The following TJP1 variants were observed in gnomAD, a reference collection of about 807,000 sequenced individuals.
TJP1 encodes the protein tight junction protein 1, also known as tight junction protein ZO-1.
A neutral mutation model predicts 194.2 loss-of-function variants in TJP1; 43 were observed. The observed-to-expected ratio is 0.22, with a 90% confidence interval of 0.17 to 0.29. The LOEUF (loss-of-function observed/expected upper bound fraction) is 0.29, where lower values mean the gene tolerates loss of function less well. Ranked by LOEUF, TJP1 falls within the 10% of genes least tolerant of loss-of-function variation. The probability of loss-of-function intolerance (pLI) is 1.00; values close to 1 mark genes in which losing one functional copy is unlikely to be tolerated. For missense variants in TJP1, 1,971 were observed against 2,185.7 expected, an observed-to-expected ratio of 0.90 and a Z score of 1.96; for synonymous variants, 801 against 779.0, an observed-to-expected ratio of 1.03 and a Z score of -0.47.
At chr15:29,968,656 G>T (rs1369184837) in intron 1 of TJP1, 2 of 1,041,038 alleles carry the variant, frequency 1.9e-6, no homozygotes, top group Non-Finnish European at 2.3e-6. Context: ...GCGCCCGCGC[G>T]GCCGCCTCAC....
intron 23 of TJP1, 65 bp from the exon 24 acceptor site, chr15:29,711,065 A>C: frequency 4.4e-4 from 652 of 1,471,384 alleles, no homozygotes; most frequent in Non-Finnish European, 5.6e-4. Flanking sequence ...ACAAGTTCTC[A>C]TTTCTCCATG....
rs535905524 is a variant in TJP1 at position 29,754,735 on chromosome 15, G to A, written c.1010+6404C>T. Among the ~76,000 whole-genome samples, 9 of 152,264 alleles carry A rather than the reference G, an allele frequency of 5.9e-5. 2 individuals are homozygous for A. The East Asian group carries it at 1.7e-3, about 29-fold the overall frequency. On this transcript the variant is annotated intron_variant, in intron 8 of 27. Transcript: ENST00000614355. ...GTGCATCATACTGGTTACCCATTGA[G>A]CAGCCCTAATCTGAAAATGCAAAGT...
At chr15:29,871,087 T>A (rs2052501726) in intron 2 of TJP1, among the ~76,000 whole-genome samples, 1 of 152,182 alleles carries the variant, frequency 6.6e-6, no homozygotes, top group South Asian at 2.1e-4. Context: ...GTGTTCTCAC[T>A]GGACAAAGGA....
chr15:29,765,818 G>A (rs1434332207), intron 5 of TJP1, among the ~76,000 whole-genome samples: 1 of 152,138 alleles, frequency 6.6e-6, no homozygotes, highest in Non-Finnish European at 1.5e-5. Flanking sequence ...CTTGAGCCTG[G>A]GAAGCAGAGG....
Position 29,772,190 on chromosome 15 carries a change from AAT to A in TJP1, c.210-26_210-25del, listed in dbSNP as rs147349836. The A allele has an allele frequency of 1.1e-4, 153 of 1,415,174 alleles. 2 individuals are homozygous for A. In the East Asian group the frequency reaches 3.1e-3, roughly 29 times the overall value. The allele number at this position is 1,415,174 out of a possible 1,614,324, so 87.7% of individuals were successfully genotyped here. On this transcript the variant is annotated intron_variant, in intron 3 of 27. Coordinates refer to ENST00000614355, the MANE Select transcript of TJP1 (RefSeq NM_001330239.4). ...CCCTAAGGGGAAAAGGGCACAAAAT[AAT>A]ATGTTAGAGAAAAACATTCTGGTAA...
chr15:29,848,298 G>C (rs2051497389), intron 2 of TJP1, among the ~76,000 whole-genome samples: 1 of 152,182 alleles, frequency 6.6e-6, no homozygotes, highest in Admixed American at 6.5e-5. Flanking sequence ...CAGTTGCTGA[G>C]AGGGTGCTGT....
intron 1 of TJP1, among the ~76,000 whole-genome samples, chr15:29,961,334 C>CTTTTTTTTTTTTTTTT (rs5811594): frequency 1.1e-5 from 1 of 89,818 alleles, no homozygotes. Flanking sequence ...TTTCCTAATT[C>CTTTTTTTTTTTTTTTT]TTTTTTTTTT....
rs370409571 is a variant in TJP1, at chr15:29,806,991, G to T, written c.28-6289C>A. Among the ~76,000 whole-genome samples, 19 of 152,118 alleles carry T rather than the reference G, an allele frequency of 1.2e-4. No homozygotes were observed. In the East Asian group the frequency reaches 3.3e-3, roughly 26 times the overall value. ...GAAGATAAAAATTCAGGAAACATAA[G>T]AATTAAAATAATGATCAAAATAAGA... On this transcript the variant is annotated intron_variant, in intron 1 of 27. Coordinates refer to ENST00000614355, the MANE Select transcript of TJP1 (RefSeq NM_001330239.4).
At chr15:29,963,016 C>T (rs1596333618) in intron 1 of TJP1, among the ~76,000 whole-genome samples, 1 of 152,142 alleles carries the variant, frequency 6.6e-6, no homozygotes, top group Non-Finnish European at 1.5e-5. Flanking sequence ...TGGTGGGCAC[C>T]TGTAATCCCA....
At chr15:29,905,431 C>T (rs989250210) in intron 2 of TJP1, among the ~76,000 whole-genome samples, 3 of 152,104 alleles carry the variant, frequency 2.0e-5, no homozygotes, top group Non-Finnish European at 4.4e-5. Flanking sequence ...AACAAAGTAC[C>T]ATGATGGGAA....
intron 2 of TJP1, among the ~76,000 whole-genome samples, chr15:29,860,239 T>C (rs1185722589): frequency 6.6e-6 from 1 of 152,158 alleles, no homozygotes; most frequent in East Asian, 1.9e-4. Context: ...CCCCCTGGAA[T>C]CCTGTTTCAC....
At chr15:29,711,761 T>C (rs1276625442) in intron 23 of TJP1, among the ~76,000 whole-genome samples, 1 of 152,204 alleles carries the variant, frequency 6.6e-6, no homozygotes, top group African/African-American at 2.4e-5. Flanking sequence ...ACTTTTTCAC[T>C]GAAACACCAG....
chr15:29,780,534 A>C (rs2047301542), intron 2 of TJP1, among the ~76,000 whole-genome samples: 1 of 152,132 alleles, frequency 6.6e-6, no homozygotes, highest in South Asian at 2.1e-4. Flanking sequence ...CTCAGTTCCT[A>C]ACAGGCCAAA....
chr15:29,730,073 T>C (rs193096837), intron 15 of TJP1, among the ~76,000 whole-genome samples: 148 of 152,012 alleles, frequency 9.7e-4, no homozygotes, highest in Admixed American at 2.5e-3. Context: ...GAACCAAAAA[T>C]TGCAGGATAA....
chr15:29,732,133 T>G (rs1318696181), intron 15 of TJP1: 1 of 291,090 alleles, frequency 3.4e-6, no homozygotes. Context: ...GCTACTCAAC[T>G]GTAACATGGA....
intron 2 of TJP1, among the ~76,000 whole-genome samples, chr15:29,949,448 TTCA>T (rs2055473810): frequency 2.5e-3 from 105 of 42,526 alleles, no homozygotes; most frequent in East Asian, 8.3e-3. Flanking sequence ...CACCTCCACC[TTCA>T]CCACCACTTC....
At chr15:29,841,059 T>A in intron 2 of TJP1, among the ~76,000 whole-genome samples, 1 of 152,106 alleles carries the variant, frequency 6.6e-6, no homozygotes, top group East Asian at 1.9e-4. Context: ...TGAGGGCTGC[T>A]CTTCTAAAAA....
intron 2 of TJP1, among the ~76,000 whole-genome samples, chr15:29,869,860 G>A (rs1461401555): frequency 1.6e-5 from 2 of 127,390 alleles, no homozygotes; most frequent in African/African-American, 6.0e-5. Context: ...AGGCTGGAGT[G>A]CAGTGGCGCG....
At chr15:29,791,918 T>C (rs1056850717) in intron 2 of TJP1, among the ~76,000 whole-genome samples, 3 of 152,172 alleles carry the variant, frequency 2.0e-5, no homozygotes, top group African/African-American at 7.2e-5. Flanking sequence ...CCATATGTCT[T>C]CCTGAGAAAC....
Sources: gnomAD v4.1 joint callset for allele counts (sites outside exome capture counted in the v4.1 genomes callset) on GRCh38, gnomAD v4.1.1 for gene constraint, MANE v1.5 for transcripts, NCBI Gene and HGNC (gene_info 2026-07-23, HGNC 2026-07-21) for gene names.